PTPN13: variants seen among roughly 807,000 people sequenced by gnomAD.
The protein encoded by PTPN13 is tyrosine-protein phosphatase non-receptor type 13.
Under a neutral mutation model 284.0 loss-of-function variants are expected in PTPN13, and 191 were observed. The observed-to-expected ratio is 0.67, with a 90% CI of 0.60 to 0.76. The LOEUF (loss-of-function observed/expected upper bound fraction) is 0.76. PTPN13 is among the 30% of genes least tolerant of loss of function. The probability of loss-of-function intolerance (pLI) is 0.00; values close to 1 mark genes in which losing one functional copy is unlikely to be tolerated. For missense variants in PTPN13, 2,797 were observed against 2,939.9 expected (o/e 0.95, Z 1.12); for synonymous variants, 986 against 1,022.3 (o/e 0.96, Z 0.68).
Position 86,772,910 on chromosome 4 carries a change from G to T in PTPN13, c.5301G>T (p.Trp1767Cys). Residue 1767 changes from tryptophan (W) to cysteine (C), a missense_variant, in exon 32 of 48, where the codon TGG becomes TGT. Coordinates refer to ENST00000411767, the MANE Select transcript of PTPN13 (RefSeq NM_080683.3). The stretch of plus-strand genomic sequence containing the variant: ...CTGAACCAACTAGACAAGAAAACTG[G>T]ACACCTTTGAAAAATGACTTGGAAA... ...HISEPTRQEN[W>C]TPLKNDLENH... 6.2e-7 allele frequency: 1 copy of T among 1,609,604 alleles called. No homozygotes were observed.
chr4:86,651,966 A>G (rs1407292855), intron 2 of PTPN13, among the ~76,000 whole-genome samples: 2 of 152,188 alleles, frequency 1.3e-5, no homozygotes, highest in African/African-American at 4.8e-5. Context: ...AGTCCAAGCT[A>G]CACAGGAGGC....
chr4:86,689,799 C>A (rs1046731047), intron 5 of PTPN13: 1 of 700,312 alleles, frequency 1.4e-6, no homozygotes, highest in African/African-American at 1.8e-5. Context: ...ACCTGAAAGT[C>A]CCACCTCTGT....
intron 16 of PTPN13, 110 bp downstream of exon 16, chr4:86,741,926 A>G: frequency 1.2e-6 from 1 of 813,368 alleles, no homozygotes; most frequent in Non-Finnish European, 1.9e-6. Context: ...GGGATAATAC[A>G]TCTTAATACT....
chr4:86,640,012 T>G (rs1455222402), intron 2 of PTPN13, among the ~76,000 whole-genome samples: 7 of 152,176 alleles, frequency 4.6e-5, no homozygotes, highest in Admixed American at 4.6e-4. Flanking sequence ...TCTGGAAAGA[T>G]GTAGGGATAA....
chr4:86,732,804 A>G (rs746656671), intron 12 of PTPN13, 38 bp downstream of exon 12: 24 of 1,544,862 alleles, frequency 1.6e-5, no homozygotes, highest in Non-Finnish European at 1.8e-6. Context: ...CAGTATAGAA[A>G]TTTAGCAACA....
chr4:86,725,434 A>G (rs944189995), intron 10 of PTPN13, among the ~76,000 whole-genome samples: 1 of 149,538 alleles, frequency 6.7e-6, no homozygotes, highest in Non-Finnish European at 1.5e-5. Flanking sequence ...GCTCCCACCA[A>G]CAGTGTAAAA....
chr4:86,665,312 A>G (rs1167988691), intron 2 of PTPN13, among the ~76,000 whole-genome samples: 1 of 152,204 alleles, frequency 6.6e-6, no homozygotes, highest in African/African-American at 2.4e-5. Context: ...AAACAGACCA[A>G]TTTGGAGTAA....
intron 1 of PTPN13, among the ~76,000 whole-genome samples, chr4:86,607,676 C>CA (rs901545807): frequency 1.3e-5 from 2 of 151,860 alleles, no homozygotes; most frequent in East Asian, 1.9e-4. Context: ...TAAGGTGGGG[C>CA]AAAAAATCGC....
chr4:86,716,544 T>C lies in PTPN13; in HGVS notation c.1210T>C (p.Tyr404His). 6.3e-7 allele frequency: 1 copy of C among 1,587,294 alleles called. No individual in the cohort carries two copies. The highest frequency in any genetic ancestry group is 8.6e-7 in the Non-Finnish European group (1 of 1,166,544). ...AMNVEEPVRRYKTYHGDVFST... is the reference protein window; with the variant it reads ...AMNVEEPVRRHKTYHGDVFST... ...AATCCTTTTAGAACCAGTTCGAAGA[T>C]ACAAAACTTATCATGGTGATGTCTT... Residue 404 changes from tyrosine to histidine, a missense_variant, in exon 8 of 48, where the codon TAC becomes CAC. Transcript: ENST00000411767.
chr4:86,775,285 C>T lies in PTPN13; in HGVS notation c.5623C>T (p.Pro1875Ser), dbSNP rs1235469696. ...ACGAGTTCTAGAATTACCCAGAATA[C>T]CAATGTTGCCTCATTTGCTACCGGA... ...IGRVLELPRI[P>S]MLPHLLPDIT... The change falls in exon 34 of 48, where the codon CCA becomes TCA. Residue 1875 changes from proline to serine, a missense_variant. Transcript: ENST00000411767. 1 of 1,613,626 alleles carries T rather than the reference C, an allele frequency of 6.2e-7. No individual in the cohort carries two copies. The highest frequency in any genetic ancestry group is 1.7e-5 in the Admixed American group (1 of 59,988).
intron 15 of PTPN13, among the ~76,000 whole-genome samples, chr4:86,740,274 A>G (rs1027122581): frequency 6.6e-6 from 1 of 152,148 alleles, no homozygotes; most frequent in African/African-American, 2.4e-5. Context: ...CCCTGCAGCA[A>G]ACTTCTCCCT....
At chr4:86,745,880 C>A (rs1232930474) in intron 17 of PTPN13, among the ~76,000 whole-genome samples, 1 of 151,974 alleles carries the variant, frequency 6.6e-6, no homozygotes, top group Non-Finnish European at 1.5e-5. Flanking sequence ...GGACAGGTGG[C>A]ACTTGAATTG....
At chr4:86,640,583 C>T (rs7693617) in intron 2 of PTPN13, among the ~76,000 whole-genome samples, 3,200 of 152,154 alleles carry the variant, frequency 0.021, 106 homozygotes, top group African/African-American at 0.074. Context: ...GTGACATAGA[C>T]GATAAGTACT....
chr4:86,666,421 C>G (rs1727086430), intron 2 of PTPN13, among the ~76,000 whole-genome samples: 1 of 152,006 alleles, frequency 6.6e-6, no homozygotes, highest in South Asian at 2.1e-4. Context: ...TCTTCTCTCT[C>G]TCTCTTTAGA....
intron 1 of PTPN13, among the ~76,000 whole-genome samples, chr4:86,606,281 G>T (rs1764734910): frequency 6.6e-6 from 1 of 151,822 alleles, no homozygotes; most frequent in African/African-American, 2.4e-5. Context: ...GATTGGGGCT[G>T]TATTTAAAAT....
Position 86,814,580 on chromosome 4 carries a change from A to G in PTPN13, c.*29A>G, listed in dbSNP as rs559330205. ...GAAAAGAGCCTCTGGATGCATTTCCATTTCTCTCCTTAACCTCCAGCAGAC... is the reference window on the plus strand; with the variant it reads ...GAAAAGAGCCTCTGGATGCATTTCCGTTTCTCTCCTTAACCTCCAGCAGAC... On this transcript the variant is annotated 3_prime_UTR_variant, in exon 48 of 48. Transcript: ENST00000411767. 7 of 1,551,364 alleles carry G rather than the reference A, an allele frequency of 4.5e-6. No homozygotes were observed. Among genetic ancestry groups the G allele is most frequent in the African/African-American group, 1.4e-5 (1 of 73,474 alleles).
intron 40 of PTPN13, among the ~76,000 whole-genome samples, chr4:86,789,479 A>G (rs1247456751): frequency 4.6e-5 from 7 of 152,160 alleles, no homozygotes; most frequent in Admixed American, 2.6e-4. Context: ...GTGCTGTGCT[A>G]TCACCAACTT....
At chr4:86,615,756 G>A (rs1223282876) in intron 1 of PTPN13, among the ~76,000 whole-genome samples, 1 of 151,972 alleles carries the variant, frequency 6.6e-6, no homozygotes, top group East Asian at 1.9e-4. Context: ...TTAACTCATT[G>A]GTCTCAGTTC....
intron 32 of PTPN13, among the ~76,000 whole-genome samples, chr4:86,773,301 C>T (rs1279553524): frequency 3.9e-5 from 6 of 152,222 alleles, no homozygotes; most frequent in Non-Finnish European, 5.9e-5. Flanking sequence ...ATGTAAAGCA[C>T]GTAGTATAGT....
Sources: allele counts gnomAD v4.1 joint callset (sites outside exome capture counted in the v4.1 genomes callset), GRCh38; gene constraint gnomAD v4.1.1; transcripts MANE v1.5; gene names NCBI Gene and HGNC (gene_info 2026-07-23, HGNC 2026-07-21).